TRPM3: variants seen among roughly 807,000 people sequenced by gnomAD.
The protein encoded by TRPM3 is long transient receptor potential channel 3.
A neutral mutation model predicts 181.2 loss-of-function variants in TRPM3; 77 were observed. The ratio of observed to expected loss-of-function variants is 0.42; its 90% CI spans 0.35 to 0.51. The LOEUF is 0.51. TRPM3 is among the 20% of genes least tolerant of loss of function. The pLI, the probability that TRPM3 is intolerant of heterozygous loss-of-function variation, is 0.01. For missense variants in TRPM3, 1,759 were observed against 2,196.7 expected, an observed-to-expected ratio of 0.80 and a Z score of 3.98; for synonymous variants, 745 against 796.4, an observed-to-expected ratio of 0.94 and a Z score of 1.09.
intron 9 of TRPM3, among the ~76,000 whole-genome samples, chr9:70,642,337 G>C (rs1302678181): frequency 1.3e-5 from 2 of 152,192 alleles, no homozygotes; most frequent in African/African-American, 4.8e-5. Flanking sequence ...AACTAGAGGT[G>C]AGAGTCAGAT....
intron 14 of TRPM3, among the ~76,000 whole-genome samples, chr9:70,623,738 C>T (rs1330470374): frequency 1.3e-5 from 2 of 152,094 alleles, no homozygotes; most frequent in East Asian, 1.9e-4. Flanking sequence ...CTTGGTTAAC[C>T]GTCTTTTTAC....
upstream of TRPM3, among the ~76,000 whole-genome samples, chr9:71,122,189 A>G (rs377410850): frequency 1.3e-5 from 2 of 152,192 alleles, no homozygotes; most frequent in East Asian, 3.9e-4. Context: ...AAAGTGCCAC[A>G]TGGGATGCTG....
At chr9:70,956,961 C>CTTTTTTTTTTTT (rs747544684) in intron 1 of TRPM3, among the ~76,000 whole-genome samples, 1 of 137,398 alleles carries the variant, frequency 7.3e-6, no homozygotes, top group Non-Finnish European at 1.6e-5. Context: ...TTCTTTCTTT[C>CTTTTTTTTTTTT]TTTTTTTTTT....
intron 1 of TRPM3, among the ~76,000 whole-genome samples, chr9:70,994,332 T>A (rs1033933732): frequency 6.6e-6 from 1 of 152,164 alleles, no homozygotes; most frequent in Non-Finnish European, 1.5e-5. Flanking sequence ...TAATCCCAGT[T>A]GCTAGGTGAC....
chr9:70,840,581 T>C (rs142821237), intron 5 of TRPM3, among the ~76,000 whole-genome samples: 74 of 152,030 alleles, frequency 4.9e-4, no homozygotes, highest in African/African-American at 1.8e-3. Context: ...AAGTTTCTAG[T>C]TGCATACAAC....
intron 1 of TRPM3, among the ~76,000 whole-genome samples, chr9:71,108,620 G>A (rs1481440606): frequency 6.6e-6 from 1 of 152,162 alleles, no homozygotes; most frequent in African/African-American, 2.4e-5. Flanking sequence ...TATACCAAGT[G>A]TTAGCAGAAT....
In TRPM3 at chr9:70,863,121, GA is replaced by G. The variant is rs1433263910; in HGVS notation, c.258-10del. On this transcript the variant is annotated splice_polypyrimidine_tract_variant and intron_variant, in intron 2 of 25. Transcript: ENST00000677713. ...GACGCCCACAGCAACACCTATAACA[GA>G]AGAGGTTAAAGTGAACCCCTGGTAT... is the stretch of plus-strand genomic sequence containing the variant. The G allele has an allele frequency of 6.2e-7, 1 of 1,611,346 alleles. No individual in the cohort carries two copies. Among genetic ancestry groups the G allele is most frequent in the South Asian group, 1.1e-5 (1 of 90,820 alleles).
chr9:70,792,089 C>T (rs2085573053), intron 6 of TRPM3, among the ~76,000 whole-genome samples: 1 of 152,126 alleles, frequency 6.6e-6, no homozygotes, highest in African/African-American at 2.4e-5. Context: ...CCGCCCTATC[C>T]CCTCTCCCCT....
Position 70,664,652 on chromosome 9 carries a change from T to TG in TRPM3, c.1345+16853_1345+16854insC, listed in dbSNP as rs1448018211. ...CGATTAGGAGAGTAGTTTTTTTTTT[T>TG]TTTTTTTTTTTTTTTTGAGACTGAG... On this transcript the variant is annotated intron_variant, in intron 9 of 25. Transcript: ENST00000677713. 9.6e-3 allele frequency among the ~76,000 whole-genome samples: 850 copies of TG among 88,188 alleles called. 21 individuals are homozygous for TG. The highest frequency in any genetic ancestry group is 0.038 in the African/African-American group (806 of 21,434). 57.9% of individuals were successfully genotyped at this position (88,188 alleles called of 152,430 possible). A position where few individuals can be genotyped will look rare whatever the true frequency, so the allele number is the denominator to read the frequency against.
chr9:71,212,149 C>T (rs577966021), intron 1 of TRPM3, among the ~76,000 whole-genome samples: 1 of 151,718 alleles, frequency 6.6e-6, no homozygotes, highest in South Asian at 2.1e-4. Context: ...AAGGGTATCA[C>T]CCTGTTGCTC....
At chr9:70,580,179 G>A (rs72718972) in intron 22 of TRPM3, among the ~76,000 whole-genome samples, 1,967 of 152,234 alleles carry the variant, frequency 0.013, 23 homozygotes, top group Non-Finnish European at 0.019. Flanking sequence ...TCCCTGAAAT[G>A]AGCATTATGG....
At chr9:70,692,061 G>A (rs1044128326) in intron 8 of TRPM3, among the ~76,000 whole-genome samples, 3 of 152,188 alleles carry the variant, frequency 2.0e-5, no homozygotes, top group Non-Finnish European at 4.4e-5. Context: ...ACACGCTTGC[G>A]GGGCTTTCTT....
At chr9:71,353,119 C>T (rs1015210512) in intron 1 of TRPM3, among the ~76,000 whole-genome samples, 4 of 152,038 alleles carry the variant, frequency 2.6e-5, no homozygotes, top group Admixed American at 6.6e-5. Context: ...CTTGAAATAA[C>T]CTTCAGGTCA....
At chr9:71,357,058 A>T (rs2091927560) in intron 1 of TRPM3, among the ~76,000 whole-genome samples, 1 of 152,212 alleles carries the variant, frequency 6.6e-6, no homozygotes, top group Non-Finnish European at 1.5e-5. Flanking sequence ...ATAAAAGGAC[A>T]GCAGAGTATG....
intron 5 of TRPM3, among the ~76,000 whole-genome samples, chr9:70,836,728 G>A (rs1025392812): frequency 7.2e-5 from 11 of 152,070 alleles, no homozygotes; most frequent in Admixed American, 2.0e-4. Context: ...TGAGGATCCC[G>A]GGGTAAGCCA....
At chr9:71,143,630 A>T (rs1032000619) in intron 1 of TRPM3, among the ~76,000 whole-genome samples, 1 of 152,174 alleles carries the variant, frequency 6.6e-6, no homozygotes, top group African/African-American at 2.4e-5. Flanking sequence ...TGCTATTGTG[A>T]ATAGTGCTGC....
chr9:71,399,193 A>G (rs1408698556), intron 1 of TRPM3, among the ~76,000 whole-genome samples: 2 of 152,198 alleles, frequency 1.3e-5, no homozygotes, highest in African/African-American at 4.8e-5. Context: ...ATATAATGAA[A>G]TACAATGAAG....
intron 1 of TRPM3, among the ~76,000 whole-genome samples, chr9:70,879,783 C>A (rs1432581511): frequency 3.9e-5 from 6 of 152,068 alleles, no homozygotes; most frequent in African/African-American, 7.2e-5. Context: ...ATAAATGGAA[C>A]CATTAAGCCT....
chr9:70,992,986 C>T (rs763165938), intron 1 of TRPM3, among the ~76,000 whole-genome samples: 2 of 152,014 alleles, frequency 1.3e-5, no homozygotes, highest in South Asian at 2.1e-4. Context: ...GCAGAGAGAA[C>T]AGAAACAAGT....
Sources: gnomAD v4.1 joint callset for allele counts (sites outside exome capture counted in the v4.1 genomes callset) on GRCh38, gnomAD v4.1.1 for gene constraint, MANE v1.5 for transcripts, NCBI Gene and HGNC (gene_info 2026-07-23, HGNC 2026-07-21) for gene names.